PCBD1: variants seen among roughly 807,000 people sequenced by gnomAD.
The protein encoded by PCBD1 is pterin-4 alpha-carbinolamine dehydratase 1.
A neutral mutation model predicts 12.6 loss-of-function variants in PCBD1; 16 were observed. The observed-to-expected ratio is 1.27, with a 90% confidence interval of 0.86 to 1.93. PCBD1 has a LOEUF of 1.93. Ranked by LOEUF, PCBD1 falls within the 30% of genes most tolerant of loss-of-function variation. PCBD1 has a pLI of 0.00. For synonymous variants in PCBD1, 53 were observed against 50.2 expected (o/e 1.05, Z -0.23); for missense variants, 86 against 130.1 (o/e 0.66, Z 1.65).
At chr10:70,884,445 G>A (rs1846549114) in intron 3 of PCBD1, among the ~76,000 whole-genome samples, 1 of 150,022 alleles carries the variant, frequency 6.7e-6, no homozygotes, top group Non-Finnish European at 1.5e-5. Context: ...TATTCATTAA[G>A]CAAATAATTT....
At chr10:70,885,276 G>A (rs765691212) in intron 2 of PCBD1, 44 bp from the exon 3 acceptor site, 1 of 1,444,030 alleles carries the variant, frequency 6.9e-7, no homozygotes, top group African/African-American at 1.4e-5. Flanking sequence ...CTAAGAGAAA[G>A]GACTTCTGGA....
rs1846534698 is a variant in PCBD1, at chr10:70,883,784, T to C, written c.*166A>G. ...AGGGAAAAGGTCTAAATTCCTGGTG[T>C]TGGTGGGGACACTGGCACATCCCAC... On this transcript the variant is annotated 3_prime_UTR_variant, in exon 4 of 4. Coordinates refer to ENST00000299299, the MANE Select transcript of PCBD1 (RefSeq NM_000281.4). 4 of 1,507,222 alleles carry C rather than the reference T, an allele frequency of 2.7e-6. No homozygotes were observed. Among genetic ancestry groups the C allele is most frequent in the Non-Finnish European group, 3.5e-6 (4 of 1,127,064 alleles). The allele number at this position is 1,507,222 out of a possible 1,614,324, so 93.4% of individuals were successfully genotyped here. A position where few individuals can be genotyped will look rare whatever the true frequency, so the allele number is the denominator to read the frequency against.
Position 70,885,219 on chromosome 10 carries a change from A to T in PCBD1, c.149T>A (p.Met50Lys). Residue 50 changes from methionine to lysine, a missense_variant, in exon 3 of 4, where the codon ATG becomes AAG. Met to Lys is a moderately conservative substitution (Grantham distance 95, BLOSUM62 -1). Transcript: ENST00000299299. ...FKDFNRAFGF[M>K]TRVALQAEKL... is the part of the protein sequence containing the mutation. ...CTCAGCCTGCAGGGCCACTCTTGTC[A>T]TGAACCCAAAGGCCTATTTAAGTGG... The T allele has an allele frequency of 6.2e-7, 1 of 1,614,064 alleles. No individual in the cohort carries two copies. The highest frequency in any genetic ancestry group is 8.5e-7 in the Non-Finnish European group (1 of 1,179,888).
downstream of PCBD1, chr10:70,882,516 CGAAAGCAG>C (rs1274697672): frequency 6.6e-6 from 1 of 152,168 alleles, no homozygotes; most frequent in Non-Finnish European, 1.5e-5. Context: ...AGTTTAAGTC[CGAAAGCAG>C]GAAAAGACCA....
Position 70,885,243 on chromosome 10 carries a change from G to A in PCBD1, c.136-11C>T. Reference sequence around the variant, plus strand: ...CATGAACCCAAAGGCCTATTTAAGTGGAGTGAGAGCCAGGTTAGTGTTCTA... The same window carrying A: ...CATGAACCCAAAGGCCTATTTAAGTAGAGTGAGAGCCAGGTTAGTGTTCTA... On this transcript the variant is annotated splice_polypyrimidine_tract_variant and intron_variant, in intron 2 of 3. Transcript: ENST00000299299. 6.2e-7 allele frequency: 1 copy of A among 1,608,934 alleles called. No homozygotes were observed. Among genetic ancestry groups the A allele is most frequent in the Non-Finnish European group, 8.5e-7 (1 of 1,175,250 alleles).
chr10:70,884,112 C>A, intron 3 of PCBD1, 64 bp from the exon 4 acceptor site: 1 of 1,550,164 alleles, frequency 6.5e-7, no homozygotes, highest in South Asian at 1.2e-5. Context: ...GAGTCACTAG[C>A]TGCTGGGCTC....
At chr10:70,888,158 C>A in intron 1 of PCBD1, 1 of 199,136 alleles carries the variant, frequency 5.0e-6, no homozygotes, top group Non-Finnish European at 1.0e-5. Context: ...CCCTCTCGCT[C>A]CCACCCCAGT....
Position 70,883,643 on chromosome 10 carries a change from A to AG in PCBD1, c.*306dup. On this transcript the variant is annotated 3_prime_UTR_variant, in exon 4 of 4. Transcript: ENST00000299299. Reference sequence around the variant, plus strand: ...ATCACAGCTTCCTGGGAAATGAATTAGGGAGCAAGAGACGGCCTGGCAAGA... The same window carrying AG: ...ATCACAGCTTCCTGGGAAATGAATTAGGGGAGCAAGAGACGGCCTGGCAAGA... The AG allele has an allele frequency of 1.6e-6, 2 of 1,262,752 alleles. No homozygotes were observed. The highest frequency in any genetic ancestry group is 2.0e-6 in the Non-Finnish European group (2 of 991,174). The allele number at this position is 1,262,752 out of a possible 1,614,324, so 78.2% of individuals were successfully genotyped here. A position where few individuals can be genotyped will look rare whatever the true frequency, so the allele number is the denominator to read the frequency against.
chr10:70,887,970 G>A (rs1435340226), intron 1 of PCBD1: 1 of 151,218 alleles, frequency 6.6e-6, no homozygotes, highest in Admixed American at 6.6e-5. Flanking sequence ...CACGGGAGGA[G>A]GGCTGCTCCA....
intron 1 of PCBD1, among the ~76,000 whole-genome samples, chr10:70,886,798 G>A (rs913505204): frequency 2.0e-5 from 3 of 152,200 alleles, no homozygotes. Flanking sequence ...CCTAATGTGC[G>A]AAGTGCCCTC....
rs1589483801 is a variant in PCBD1 at position 70,883,856 on chromosome 10, A to G, written c.*94T>C. ...GGCGGCGGCTGGGTCTTGGGAGGGGAGTGGTGGGAGGGTAAGGGCTCCTCA... is the reference window on the plus strand; with the variant it reads ...GGCGGCGGCTGGGTCTTGGGAGGGGGGTGGTGGGAGGGTAAGGGCTCCTCA... On this transcript the variant is annotated 3_prime_UTR_variant, in exon 4 of 4. Coordinates refer to ENST00000299299, the MANE Select transcript of PCBD1 (RefSeq NM_000281.4). The G allele has an allele frequency of 6.5e-7, 1 of 1,546,134 alleles. No homozygotes were observed. The highest frequency in any genetic ancestry group is 8.7e-7 in the Non-Finnish European group (1 of 1,145,436).
At position 70,885,202 on chromosome 10, in the gene PCBD1, G is replaced by A. The variant is rs1438217294; in HGVS notation, c.166C>T (p.Gln56Ter). 1.9e-6 allele frequency: 3 copies of A among 1,614,042 alleles called. No homozygotes were observed. The highest frequency in any genetic ancestry group is 4.5e-5 in the East Asian group (2 of 44,876). ...AFGFMTRVAL[Q>*]AEKLDHHPEW... is the part of the protein sequence containing the mutation. ...GGATGGTGGTCCAGTTTCTCAGCCT[G>A]CAGGGCCACTCTTGTCATGAACCCA... Residue 56 changes from glutamine (Q) to a stop codon, truncating the protein, a stop_gained, in exon 3 of 4, where the codon CAG (glutamine) becomes TAG (stop). Transcript: ENST00000299299. LOFTEE classifies it high-confidence loss of function.
Position 70,885,134 on chromosome 10 carries a change from G to A in PCBD1, c.216+18C>T, listed in dbSNP as rs183906944. 1.1e-4 allele frequency: 180 copies of A among 1,603,394 alleles called. 2 individuals are homozygous for A. In the Admixed American group the frequency reaches 3.0e-3, roughly 27 times the overall value. On this transcript the variant is annotated intron_variant, in intron 3 of 3. Transcript: ENST00000299299. ...TGGATGGGGGCAGAGCACAACAGAG[G>A]CACACAGCATCACTCACCTTGTTGT...
chr10:70,885,763 G>A (rs746547419), intron 2 of PCBD1, 35 bp downstream of exon 2: 41 of 1,612,830 alleles, frequency 2.5e-5, no homozygotes, highest in East Asian at 2.2e-4. Context: ...CCATCAGCCC[G>A]TCTCAGAAAA....
Position 70,884,010 on chromosome 10 carries a change from A to G in PCBD1, c.255T>C (p.Leu85=). 1 of 1,614,122 alleles carries G rather than the reference A, an allele frequency of 6.2e-7. No individual in the cohort carries two copies. Among genetic ancestry groups the G allele is most frequent in the Non-Finnish European group, 8.5e-7 (1 of 1,180,016 alleles). Residue 85 remains leucine (L), a synonymous_variant, in exon 4 of 4, where the codon CTT becomes CTC. Transcript: ENST00000299299. ...TGGCCAGGTTTATGTCCCGTTCTGA[A>G]AGGCCGGCACACTCATGGGTGCTCA... ...ITLSTHECAG[L]SERDINLASF...
At chr10:70,882,643 G>A (rs1272374150), downstream of PCBD1, among the ~76,000 whole-genome samples, 2 of 152,092 alleles carry the variant, frequency 1.3e-5, no homozygotes, top group Admixed American at 6.5e-5. Context: ...GTTGAATGAG[G>A]CCACCCATGT....
chr10:70,884,608 A>G (rs1846553916), intron 3 of PCBD1, among the ~76,000 whole-genome samples: 1 of 146,958 alleles, frequency 6.8e-6, no homozygotes, highest in South Asian at 2.2e-4. Context: ...CAGCCTCCCC[A>G]GTAGCTGGGA....
intron 3 of PCBD1, 132 bp downstream of exon 3, chr10:70,885,020 T>A: frequency 1.3e-6 from 1 of 773,168 alleles, no homozygotes; most frequent in Non-Finnish European, 2.4e-6. Flanking sequence ...TCAGTGAGAT[T>A]GGAAATGAGA....
chr10:70,888,483 T>G (rs1251797232), intron 1 of PCBD1, 48 bp downstream of exon 1: 4 of 1,457,196 alleles, frequency 2.7e-6, no homozygotes, highest in Non-Finnish European at 3.6e-6. Context: ...CGCCCGCGGC[T>G]GCCCCGGCCC....
Sources: gnomAD v4.1 joint callset for allele counts (sites outside exome capture counted in the v4.1 genomes callset) on GRCh38, gnomAD v4.1.1 for gene constraint, MANE v1.5 for transcripts, NCBI Gene and HGNC (gene_info 2026-07-23, HGNC 2026-07-21) for gene names.